Variants in PKHD1 observed in about 807,000 individuals in gnomAD.
The protein encoded by PKHD1 is PKHD1 ciliary IPT domain containing fibrocystin/polyductin, also known as fibrocystin.
A neutral mutation model predicts 412.0 loss-of-function variants in PKHD1; 291 were observed. That is an observed-to-expected ratio of 0.71 (90% CI 0.64 to 0.78). PKHD1 has a LOEUF of 0.78. Ranked by LOEUF, PKHD1 falls within the 30% of genes least tolerant of loss-of-function variation. PKHD1 has a pLI of 0.00. For synonymous variants in PKHD1, 1,777 were observed against 1,821.5 expected, an observed-to-expected ratio of 0.98 and a Z score of 0.62; for missense variants, 4,825 against 4,950.7, an observed-to-expected ratio of 0.97 and a Z score of 0.76.
At chr6:51,764,689 A>G (rs186493150) in intron 55 of PKHD1, among the ~76,000 whole-genome samples, 1 of 152,258 alleles carries the variant, frequency 6.6e-6, no homozygotes, top group African/African-American at 2.4e-5. Context: ...GATAGACTGG[A>G]TTAAAATTCT....
intron 60 of PKHD1, among the ~76,000 whole-genome samples, chr6:51,740,944 A>G (rs925053185): frequency 4.6e-5 from 7 of 152,218 alleles, no homozygotes; most frequent in African/African-American, 1.7e-4. Flanking sequence ...GCTCTAAAAC[A>G]TCAGGGGTTT....
intron 35 of PKHD1, among the ~76,000 whole-genome samples, chr6:51,983,949 G>A (rs559224715): frequency 2.3e-4 from 35 of 152,276 alleles, no homozygotes; most frequent in African/African-American, 7.7e-4. Context: ...AGGGTTTGGG[G>A]GGTCCTCTTT....
At chr6:51,777,169 G>C (rs1791155243) in intron 53 of PKHD1, among the ~76,000 whole-genome samples, 1 of 152,064 alleles carries the variant, frequency 6.6e-6, no homozygotes, top group Non-Finnish European at 1.5e-5. Context: ...GAAATAACTA[G>C]TAAACTTACA....
At chr6:51,802,302 A>T (rs192335319) in intron 52 of PKHD1, among the ~76,000 whole-genome samples, 1 of 151,718 alleles carries the variant, frequency 6.6e-6, no homozygotes, top group Non-Finnish European at 1.5e-5. Flanking sequence ...AGACCTAAAA[A>T]GGAACAATAT....
chr6:51,699,450 T>C (rs551839650), intron 60 of PKHD1, among the ~76,000 whole-genome samples: 1 of 152,304 alleles, frequency 6.6e-6, no homozygotes, highest in Non-Finnish European at 1.5e-5. Context: ...GTCCACAGTG[T>C]ACTTATCCAC....
intron 60 of PKHD1, among the ~76,000 whole-genome samples, chr6:51,711,236 G>A (rs1375499572): frequency 1.3e-5 from 2 of 152,188 alleles, no homozygotes; most frequent in Non-Finnish European, 2.9e-5. Flanking sequence ...AGCCTCACAA[G>A]ATCAGTATTT....
rs191700985 is a variant in PKHD1 at position 51,926,468 on chromosome 6, C to T, written c.6121+7642G>A. On this transcript the variant is annotated intron_variant, in intron 37 of 66. Transcript: ENST00000371117. ...AAACCAAAAAAAGACCTGACTAATG[C>T]CGACACTTTCAAGTATATATAGAAA... 5.3e-5 allele frequency among the ~76,000 whole-genome samples: 8 copies of T among 152,232 alleles called. No individual in the cohort carries two copies. The South Asian group carries it at 6.2e-4, about 12-fold the overall frequency.
chr6:51,626,274 A>G (rs1260572059), intron 66 of PKHD1, among the ~76,000 whole-genome samples: 1 of 152,142 alleles, frequency 6.6e-6, no homozygotes, highest in Non-Finnish European at 1.5e-5. Flanking sequence ...GACTCTTTGG[A>G]GTATATGTTT....
In PKHD1 at chr6:51,617,967, G is replaced by T. The variant is rs1364931011; in HGVS notation, c.*1114C>A. 3 of 152,098 alleles carry T rather than the reference G, an allele frequency of 2.0e-5. No individual in the cohort carries two copies. Among genetic ancestry groups the T allele is most frequent in the Non-Finnish European group, 4.4e-5 (3 of 68,026 alleles). The allele number at this position is 152,098 out of a possible 1,614,324, so 9.4% of individuals were successfully genotyped here. On this transcript the variant is annotated 3_prime_UTR_variant, in exon 67 of 67. Coordinates refer to ENST00000371117, the MANE Select transcript of PKHD1 (RefSeq NM_138694.4). ...CATTCCTGCGATCTTTTCTTTACAT[G>T]CTTGGAGCATAAGGCCTTCTGGATC... is the stretch of plus-strand genomic sequence containing the variant.
At chr6:52,048,400 CCTGT>C (rs1472126204) in intron 23 of PKHD1, 88 bp downstream of exon 23, 4 of 1,211,446 alleles carry the variant, frequency 3.3e-6, no homozygotes, top group Non-Finnish European at 4.9e-6. Flanking sequence ...AATATTATCA[CCTGT>C]CTGACAACCT....
chr6:51,697,386 C>T (rs1778927993), intron 60 of PKHD1, among the ~76,000 whole-genome samples: 1 of 152,132 alleles, frequency 6.6e-6, no homozygotes, highest in Non-Finnish European at 1.5e-5. Context: ...TTGTGAAAAT[C>T]CCATCAACAC....
intron 8 of PKHD1, among the ~76,000 whole-genome samples, chr6:52,071,802 A>G (rs1354011851): frequency 6.6e-6 from 1 of 152,060 alleles, no homozygotes; most frequent in Non-Finnish European, 1.5e-5. Flanking sequence ...ATAACCATAC[A>G]TACTCCCAAG....
At chr6:51,620,787 CATATATATATATGT>C (rs1403757799) in intron 66 of PKHD1, among the ~76,000 whole-genome samples, 1 of 146,832 alleles carries the variant, frequency 6.8e-6, no homozygotes, top group Non-Finnish European at 1.5e-5. Flanking sequence ...ATTATATATA[CATATATATATATGT>C]ATATATATAT....
chr6:51,713,422 G>A (rs998088358), intron 60 of PKHD1, among the ~76,000 whole-genome samples: 4 of 152,154 alleles, frequency 2.6e-5, no homozygotes, highest in Non-Finnish European at 5.9e-5. Context: ...CATTTTCCTT[G>A]ACTCCTCCTC....
intron 27 of PKHD1, among the ~76,000 whole-genome samples, chr6:52,036,765 A>G (rs186527239): frequency 6.6e-5 from 10 of 152,256 alleles, no homozygotes. Context: ...AATTGAAAAA[A>G]TATTTGAAAT....
In PKHD1 at chr6:51,696,997, T is replaced by C. The variant is rs530220404; in HGVS notation, c.10157-37028A>G. Among the ~76,000 whole-genome samples, 7 of 152,216 alleles carry C rather than the reference T, an allele frequency of 4.6e-5. No individual in the cohort carries two copies. The South Asian group carries it at 1.5e-3, about 32-fold the overall frequency. ...TGAGGGCAAGAGTTTGAAACCAGCC[T>C]GGCCAACATGGTGAAACCCCATCTC... On this transcript the variant is annotated intron_variant, in intron 60 of 66. Transcript: ENST00000371117.
chr6:51,644,243 A>C (rs2661505), intron 63 of PKHD1, among the ~76,000 whole-genome samples: 6,519 of 152,278 alleles, frequency 0.043, 235 homozygotes, highest in African/African-American at 0.093. Context: ...ATTGAAAACA[A>C]CATCAAATGA....
At chr6:51,682,119 C>T (rs900853560) in intron 60 of PKHD1, 2 of 422,738 alleles carry the variant, frequency 4.7e-6, no homozygotes, top group African/African-American at 4.1e-5. Flanking sequence ...GATGTCAGTA[C>T]TCTGATGGAT....
intron 35 of PKHD1, among the ~76,000 whole-genome samples, chr6:51,970,877 G>C (rs766182452): frequency 6.6e-6 from 1 of 152,162 alleles, no homozygotes; most frequent in Non-Finnish European, 1.5e-5. Flanking sequence ...TCGAAGTCAG[G>C]TATTATGATA....
Sources: gnomAD v4.1 joint callset for allele counts (sites outside exome capture counted in the v4.1 genomes callset) on GRCh38, gnomAD v4.1.1 for gene constraint, MANE v1.5 for transcripts, NCBI Gene and HGNC (gene_info 2026-07-23, HGNC 2026-07-21) for gene names.